AKT3: variants seen among roughly 807,000 people sequenced by gnomAD.
AKT3 encodes AKT serine/threonine kinase 3.
AKT3 carries 15 observed loss-of-function variants against 65.3 expected under a neutral mutation model. That is an observed-to-expected ratio of 0.23 (90% confidence interval 0.15 to 0.35). The LOEUF is 0.35. AKT3 is among the 10% of genes least tolerant of loss of function. AKT3 has a pLI of 1.00. For missense variants in AKT3, 243 were observed against 576.5 expected, an observed-to-expected ratio of 0.42 and a Z score of 5.92; for synonymous variants, 206 against 183.8, an observed-to-expected ratio of 1.12 and a Z score of -0.98.
At chr1:243,605,838 T>C (rs1266256136) in intron 8 of AKT3, among the ~76,000 whole-genome samples, 1 of 152,202 alleles carries the variant, frequency 6.6e-6, no homozygotes, top group Admixed American at 6.5e-5. Flanking sequence ...CATCTTGAAC[T>C]GTAGTTCCCA....
At chr1:243,831,116 C>G (rs1694482192) in intron 2 of AKT3, among the ~76,000 whole-genome samples, 1 of 152,150 alleles carries the variant, frequency 6.6e-6, no homozygotes, top group Admixed American at 6.5e-5. Flanking sequence ...ATACTGTTAT[C>G]TGAACTTCTA....
At chr1:243,758,682 T>C (rs1689294269) in intron 2 of AKT3, among the ~76,000 whole-genome samples, 1 of 152,190 alleles carries the variant, frequency 6.6e-6, no homozygotes, top group South Asian at 2.1e-4. Context: ...ATTAGATTCA[T>C]TAGTTAGAGT....
In AKT3 at chr1:243,510,900, G is replaced by A. The variant is rs529349652; in HGVS notation, c.1354+1424C>T. On this transcript the variant is annotated intron_variant, in intron 13 of 13. Coordinates refer to ENST00000673466, the MANE Select transcript of AKT3 (RefSeq NM_005465.7). ...GCAGGAACTGCCCATGGGCCGATCC[G>A]AAAACTCACTGGTGTTACCCAGCAT... Among the ~76,000 whole-genome samples the A allele has an allele frequency of 2.5e-3, 386 of 152,388 alleles. 1 individual carries two copies. Among genetic ancestry groups the A allele is most frequent in the Non-Finnish European group, 4.7e-3 (317 of 68,036 alleles).
chr1:243,494,509 C>T (rs567488140), intron 13 of AKT3, among the ~76,000 whole-genome samples: 17 of 152,332 alleles, frequency 1.1e-4, no homozygotes, highest in South Asian at 1.0e-3. Flanking sequence ...TCGCGACCTT[C>T]GGAGAAACTT....
chr1:243,773,517 G>C (rs1183688672), intron 2 of AKT3, among the ~76,000 whole-genome samples: 1 of 152,046 alleles, frequency 6.6e-6, no homozygotes, highest in African/African-American at 2.4e-5. Context: ...GGGAGGGAGA[G>C]GTGGGAAGAT....
chr1:243,812,500 G>A (rs554526973), intron 2 of AKT3, among the ~76,000 whole-genome samples: 51 of 152,248 alleles, frequency 3.3e-4, no homozygotes, highest in East Asian at 1.4e-3. Context: ...TTAGAATGGC[G>A]ATCATTAAAA....
In AKT3 at chr1:243,584,555, A is replaced by G. The variant is rs556800665; in HGVS notation, c.697-11507T>C. Among the ~76,000 whole-genome samples the G allele has an allele frequency of 3.3e-4, 50 of 152,336 alleles. 1 individual carries two copies. The highest frequency in any genetic ancestry group is 1.1e-3 in the African/African-American group (46 of 41,580). On this transcript the variant is annotated intron_variant, in intron 8 of 13. Transcript: ENST00000673466. The stretch of plus-strand genomic sequence containing the variant: ...AAAATCCTCAACAAAATACTAGCAA[A>G]CTGAATTGAAAAACACATCAAAAAG...
chr1:243,544,627 T>G (rs1262111341), intron 12 of AKT3, among the ~76,000 whole-genome samples: 1 of 151,116 alleles, frequency 6.6e-6, no homozygotes, highest in East Asian at 1.9e-4. Context: ...AAAAAATAAA[T>G]AAATAAATGA....
At chr1:243,749,107 T>C (rs756666207) in intron 2 of AKT3, among the ~76,000 whole-genome samples, 12 of 152,166 alleles carry the variant, frequency 7.9e-5, no homozygotes, top group Non-Finnish European at 1.6e-4. Flanking sequence ...AAAGTTCCCT[T>C]CTACTTGTCT....
chr1:243,497,392 T>G (rs1668266017), downstream of AKT3, among the ~76,000 whole-genome samples: 2 of 145,630 alleles, frequency 1.4e-5, no homozygotes, highest in Non-Finnish European at 1.5e-5. Context: ...AAAGTGGGGA[T>G]GGATATGGGG....
intron 5 of AKT3, among the ~76,000 whole-genome samples, chr1:243,637,955 T>C (rs1383133711): frequency 6.6e-6 from 1 of 152,086 alleles, no homozygotes; most frequent in African/African-American, 2.4e-5. Context: ...TTGGAGAAAA[T>C]GATTTTGAAC....
At chr1:243,618,582 G>T (rs896037229) in intron 6 of AKT3, among the ~76,000 whole-genome samples, 1 of 152,010 alleles carries the variant, frequency 6.6e-6, no homozygotes, top group Admixed American at 6.6e-5. Context: ...AATGCTTGGG[G>T]ATACAATGTA....
intron 3 of AKT3, 139 bp from the exon 4 acceptor site, chr1:243,665,022 T>C: frequency 2.6e-6 from 1 of 385,014 alleles, no homozygotes; most frequent in Non-Finnish European, 4.5e-6. Context: ...TCAAGATTAT[T>C]TACAGCCTGA....
intron 2 of AKT3, among the ~76,000 whole-genome samples, chr1:243,748,487 T>A (rs1688611342): frequency 6.6e-6 from 1 of 152,182 alleles, no homozygotes. Flanking sequence ...AGCAGCTTTA[T>A]TAGTGCTTAT....
At chr1:243,644,560 G>C (rs1293932448) in intron 5 of AKT3, among the ~76,000 whole-genome samples, 5 of 152,006 alleles carry the variant, frequency 3.3e-5, no homozygotes, top group Non-Finnish European at 5.9e-5. Flanking sequence ...AAGTGTTTAT[G>C]TAATACGTGC....
chr1:243,758,173 T>C (rs1689257996), intron 2 of AKT3, among the ~76,000 whole-genome samples: 1 of 152,180 alleles, frequency 6.6e-6, no homozygotes, highest in South Asian at 2.1e-4. Context: ...ACTGGGAGGA[T>C]GGTAGACAAA....
At chr1:243,761,441 T>A (rs1870272) in intron 2 of AKT3, among the ~76,000 whole-genome samples, 76,311 of 151,932 alleles carry the variant, frequency 0.5, 23,442 homozygotes, top group Non-Finnish European at 0.68. Flanking sequence ...CCTTTAAAAA[T>A]ATGGAAAAAA....
intron 1 of AKT3, 104 bp from the exon 2 acceptor site, chr1:243,843,386 C>T: frequency 8.5e-7 from 1 of 1,183,274 alleles, no homozygotes; most frequent in Non-Finnish European, 1.1e-6. Flanking sequence ...GGCCTGACCT[C>T]ACATAAAAGT....
intron 2 of AKT3, 29 bp downstream of exon 2, chr1:243,843,096 G>T (rs41267521): frequency 1.9e-6 from 3 of 1,611,290 alleles, no homozygotes; most frequent in Non-Finnish European, 2.5e-6. Context: ...CTTACCAACC[G>T]TATTATTTTT....
Sources: gnomAD v4.1 joint callset for allele counts (sites outside exome capture counted in the v4.1 genomes callset) on GRCh38, gnomAD v4.1.1 for gene constraint, MANE v1.5 for transcripts, NCBI Gene and HGNC (gene_info 2026-07-23, HGNC 2026-07-21) for gene names.